Variants in TFCP2 observed in about 807,000 individuals in gnomAD.
The protein encoded by TFCP2 is transcription factor CP2.
In TFCP2, 33 loss-of-function variants were observed where a neutral mutation model predicts 73.4. The ratio of observed to expected loss-of-function variants is 0.45; its 90% CI spans 0.34 to 0.60. The LOEUF is 0.60. TFCP2 is among the 20% of genes least tolerant of loss of function. TFCP2 has a pLI of 0.01. For missense variants in TFCP2, 352 were observed against 604.0 expected (o/e 0.58, Z 4.37); for synonymous variants, 193 against 211.6 (o/e 0.91, Z 0.76).
chr12:51,107,813 T>C (rs1940289582), intron 6 of TFCP2, among the ~76,000 whole-genome samples: 1 of 151,792 alleles, frequency 6.6e-6, no homozygotes, highest in African/African-American at 2.4e-5. Flanking sequence ...ACCATTTTGG[T>C]CAGGCTGGTC....
chr12:51,125,484 TTC>T, intron 1 of TFCP2: 2 of 365,968 alleles, frequency 5.5e-6, no homozygotes, highest in South Asian at 4.2e-5. Context: ...TTTTCTATTG[TTC>T]TGTCTCCCTC....
intron 10 of TFCP2, among the ~76,000 whole-genome samples, chr12:51,102,738 A>G (rs1940140559): frequency 6.6e-6 from 1 of 152,088 alleles, no homozygotes; most frequent in Admixed American, 6.6e-5. Context: ...ATAAATATAT[A>G]AATAAATCCT....
chr12:51,129,764 T>G (rs182666495), intron 1 of TFCP2, among the ~76,000 whole-genome samples: 2 of 152,156 alleles, frequency 1.3e-5, no homozygotes, highest in Non-Finnish European at 2.9e-5. Flanking sequence ...TGTTCAGGTA[T>G]TAGAAGCTGC....
At chr12:51,165,357 TA>T (rs1258681496) in intron 1 of TFCP2, among the ~76,000 whole-genome samples, 1 of 151,452 alleles carries the variant, frequency 6.6e-6, no homozygotes, top group Admixed American at 6.6e-5. Flanking sequence ...TGGTTCAACA[TA>T]AGGAAATCAA....
chr12:51,109,024 CA>C (rs1439375027), intron 6 of TFCP2, 96 bp downstream of exon 6: 3 of 1,418,504 alleles, frequency 2.1e-6, no homozygotes, highest in Non-Finnish European at 2.9e-6. Flanking sequence ...TGTGAGTTTT[CA>C]AAAAAAGACA....
At chr12:51,123,593 T>A (rs1056343526) in intron 1 of TFCP2, among the ~76,000 whole-genome samples, 8 of 152,214 alleles carry the variant, frequency 5.3e-5, no homozygotes, top group Non-Finnish European at 8.8e-5. Flanking sequence ...TTCATTTTTT[T>A]ATTTTTATTT....
At chr12:51,167,230 CTCTT>C (rs1195821329) in intron 1 of TFCP2, among the ~76,000 whole-genome samples, 1 of 152,078 alleles carries the variant, frequency 6.6e-6, no homozygotes, top group Non-Finnish European at 1.5e-5. Context: ...ATTAAGATGA[CTCTT>C]TATAAAATAC....
intron 12 of TFCP2, 78 bp downstream of exon 12, chr12:51,099,577 A>G (rs1022774690): frequency 2.0e-6 from 3 of 1,529,806 alleles, no homozygotes; most frequent in Non-Finnish European, 1.8e-6. Context: ...GCTGTTTGAT[A>G]GTTTCCCATC....
chr12:51,119,937 G>A (rs905321815), intron 1 of TFCP2, among the ~76,000 whole-genome samples: 7 of 151,954 alleles, frequency 4.6e-5, no homozygotes, highest in East Asian at 1.9e-4. Flanking sequence ...CCAGCACTTC[G>A]GGAGGCCGAG....
At chr12:51,130,033 C>A (rs977691844) in intron 1 of TFCP2, among the ~76,000 whole-genome samples, 1 of 152,104 alleles carries the variant, frequency 6.6e-6, no homozygotes, top group South Asian at 2.1e-4. Flanking sequence ...CATCTGTAAT[C>A]CCAGTTAATT....
At position 51,172,483 on chromosome 12, in the gene TFCP2, C is replaced by T; in HGVS notation, c.-61G>A. 3.1e-6 allele frequency: 5 copies of T among 1,606,050 alleles called. No homozygotes were observed. Among genetic ancestry groups the T allele is most frequent in the Non-Finnish European group, 4.2e-6 (5 of 1,177,014 alleles). ...TTGTACAAAGGCGCGGAGGGTAATTCTACCCAACAGGAGTAACGCAAACCA... is the reference window on the plus strand; with the variant it reads ...TTGTACAAAGGCGCGGAGGGTAATTTTACCCAACAGGAGTAACGCAAACCA... On this transcript the variant is annotated 5_prime_UTR_variant, in exon 1 of 15. Transcript: ENST00000257915.
chr12:51,122,112 G>C (rs1940690950), intron 1 of TFCP2, among the ~76,000 whole-genome samples: 1 of 151,980 alleles, frequency 6.6e-6, no homozygotes, highest in African/African-American at 2.4e-5. Flanking sequence ...AAATTTACTG[G>C]CATGAACACT....
At chr12:51,159,717 G>A (rs183495021) in intron 1 of TFCP2, among the ~76,000 whole-genome samples, 1 of 152,096 alleles carries the variant, frequency 6.6e-6, no homozygotes, top group African/African-American at 2.4e-5. Context: ...CAAACTCCCA[G>A]GCTCAAGCAA....
intron 1 of TFCP2, among the ~76,000 whole-genome samples, chr12:51,157,568 A>G (rs1941563093): frequency 6.6e-6 from 1 of 151,950 alleles, no homozygotes; most frequent in African/African-American, 2.4e-5. Flanking sequence ...CATAGAGATT[A>G]CACATGTGAG....
At chr12:51,131,467 A>G (rs1429163705) in intron 1 of TFCP2, among the ~76,000 whole-genome samples, 2 of 152,190 alleles carry the variant, frequency 1.3e-5, no homozygotes, top group Non-Finnish European at 2.9e-5. Flanking sequence ...ATCATAAACA[A>G]TTCCTAAAAA....
chr12:51,153,146 G>A (rs1302013450), intron 1 of TFCP2, among the ~76,000 whole-genome samples: 2 of 152,238 alleles, frequency 1.3e-5, no homozygotes, highest in African/African-American at 2.4e-5. Flanking sequence ...GGCAGGCCAA[G>A]GCAGGGGGAT....
intron 1 of TFCP2, among the ~76,000 whole-genome samples, chr12:51,141,443 T>C (rs1026021960): frequency 1.3e-5 from 2 of 152,200 alleles, no homozygotes; most frequent in African/African-American, 2.4e-5. Flanking sequence ...TATCTGTTTA[T>C]AGTTTCTTCT....
intron 1 of TFCP2, among the ~76,000 whole-genome samples, chr12:51,120,696 A>G (rs1473913858): frequency 6.6e-6 from 1 of 152,178 alleles, no homozygotes; most frequent in African/African-American, 2.4e-5. Flanking sequence ...TGGGAGGCCA[A>G]GGCAGGCAGA....
chr12:51,131,175 A>C (rs1940936706), intron 1 of TFCP2, among the ~76,000 whole-genome samples: 1 of 151,582 alleles, frequency 6.6e-6, no homozygotes, highest in Admixed American at 6.6e-5. Flanking sequence ...TAAAAAAAAA[A>C]AAACAAAAAA....
Sources: gnomAD v4.1 joint callset for allele counts (sites outside exome capture counted in the v4.1 genomes callset) on GRCh38, gnomAD v4.1.1 for gene constraint, MANE v1.5 for transcripts, NCBI Gene and HGNC (gene_info 2026-07-23, HGNC 2026-07-21) for gene names.